The following MYO5B variants were observed in gnomAD, a reference collection of about 807,000 sequenced individuals.
MYO5B encodes the protein unconventional myosin-Vb.
MYO5B carries 143 observed loss-of-function variants against 229.3 expected under a neutral mutation model. The observed-to-expected ratio is 0.62, with a 90% CI of 0.54 to 0.72. The LOEUF (loss-of-function observed/expected upper bound fraction) is 0.72, where lower values mean the gene tolerates loss of function less well. MYO5B is among the 30% of genes least tolerant of loss of function. MYO5B has a pLI of 0.00. For missense variants in MYO5B, 2,321 were observed against 2,331.0 expected, an observed-to-expected ratio of 1.00 and a Z score of 0.09; for synonymous variants, 918 against 885.2, an observed-to-expected ratio of 1.04 and a Z score of -0.66.
intron 1 of MYO5B, among the ~76,000 whole-genome samples, chr18:50,188,723 G>A (rs1163350315): frequency 4.7e-5 from 7 of 147,940 alleles, no homozygotes; most frequent in Admixed American, 1.4e-4. Flanking sequence ...GGAGGCAGAG[G>A]TTGCAGTGAG....
intron 1 of MYO5B, among the ~76,000 whole-genome samples, chr18:50,103,607 G>A (rs1286656084): frequency 6.6e-6 from 1 of 152,128 alleles, no homozygotes; most frequent in African/African-American, 2.4e-5. Context: ...AAATCAGCCA[G>A]ACACGGTGGT....
chr18:49,836,015 A>G (rs533732946), intron 38 of MYO5B, among the ~76,000 whole-genome samples: 31 of 152,346 alleles, frequency 2.0e-4, no homozygotes, highest in African/African-American at 7.5e-4. Flanking sequence ...TGTTTACAGA[A>G]GGAAGCAGTT....
chr18:50,156,882 C>T (rs2032687306), intron 1 of MYO5B, among the ~76,000 whole-genome samples: 1 of 152,188 alleles, frequency 6.6e-6, no homozygotes, highest in South Asian at 2.1e-4. Context: ...CACATGAAAT[C>T]CATTCAACTT....
At chr18:49,904,874 C>T (rs1163983240) in intron 19 of MYO5B, 46 bp from the exon 20 acceptor site, 2 of 1,604,152 alleles carry the variant, frequency 1.2e-6, no homozygotes, top group Non-Finnish European at 8.5e-7. Flanking sequence ...AGAGTATTGA[C>T]CGCCCTGATG....
chr18:50,113,030 A>C (rs2031894568), intron 1 of MYO5B, among the ~76,000 whole-genome samples: 1 of 152,212 alleles, frequency 6.6e-6, no homozygotes, highest in African/African-American at 2.4e-5. Flanking sequence ...ACGCACAATT[A>C]GAACACTTTC....
intron 1 of MYO5B, among the ~76,000 whole-genome samples, chr18:50,115,647 G>C (rs1568112708): frequency 6.6e-6 from 1 of 151,804 alleles, no homozygotes; most frequent in Non-Finnish European, 1.5e-5. Flanking sequence ...CCTTATGGTG[G>C]GAGTCTAATG....
intron 6 of MYO5B, among the ~76,000 whole-genome samples, chr18:49,991,053 A>G (rs1301638033): frequency 6.6e-6 from 1 of 152,138 alleles, no homozygotes; most frequent in Non-Finnish European, 1.5e-5. Flanking sequence ...GTGGGGATTC[A>G]GGAGGCCTGA....
intron 36 of MYO5B, among the ~76,000 whole-genome samples, chr18:49,838,545 G>A (rs532312369): frequency 6.6e-6 from 1 of 152,178 alleles, no homozygotes; most frequent in Non-Finnish European, 1.5e-5. Context: ...TACTTGTGTT[G>A]TAAGAACCTG....
intron 1 of MYO5B, among the ~76,000 whole-genome samples, chr18:50,074,537 A>G (rs1328101056): frequency 6.6e-6 from 1 of 152,136 alleles, no homozygotes; most frequent in Non-Finnish European, 1.5e-5. Context: ...GCACACTGCA[A>G]TTCTAGCTCG....
intron 22 of MYO5B, among the ~76,000 whole-genome samples, chr18:49,893,579 G>T (rs2024740797): frequency 6.6e-6 from 1 of 152,192 alleles, no homozygotes; most frequent in African/African-American, 2.4e-5. Flanking sequence ...CTGGGCAGAG[G>T]GTCCTGTGGG....
At position 50,194,943 on chromosome 18, in the gene MYO5B, AGGCGCCGCGGCCGGCTCGCTCCC is replaced by A. The variant is rs1568141253; in HGVS notation, c.-173_-151del. 1 of 1,121,012 alleles carries A rather than the reference AGGCGCCGCGGCCGGCTCGCTCCC, an allele frequency of 8.9e-7. No individual in the cohort carries two copies. The highest frequency in any genetic ancestry group is 1.6e-5 in the African/African-American group (1 of 61,374). 69.4% of individuals were successfully genotyped at this position (1,121,012 alleles called of 1,614,324 possible). ...CCGACCTGCCCCGCCGGCTTCCCGC[AGGCGCCGCGGCCGGCTCGCTCCC>A]GGCGGCGCGACCTTTACTCCCGCCG... On this transcript the variant is annotated 5_prime_UTR_variant, in exon 1 of 40. Coordinates refer to ENST00000285039, the MANE Select transcript of MYO5B (RefSeq NM_001080467.3).
At chr18:49,853,730 G>T in intron 30 of MYO5B, 83 bp from the exon 31 acceptor site, 2 of 1,295,876 alleles carry the variant, frequency 1.5e-6, no homozygotes, top group East Asian at 2.5e-5. Flanking sequence ...CATAACAGGG[G>T]AGCAGCCAAG....
intron 1 of MYO5B, among the ~76,000 whole-genome samples, chr18:50,125,332 G>C (rs1359142381): frequency 6.9e-6 from 1 of 144,976 alleles, no homozygotes; most frequent in Non-Finnish European, 1.5e-5. Context: ...GAGAACACTT[G>C]GACACAGGGT....
chr18:49,864,439 G>C, intron 27 of MYO5B, 59 bp from the exon 28 acceptor site: 1 of 1,596,348 alleles, frequency 6.3e-7, no homozygotes, highest in Non-Finnish European at 8.5e-7. Flanking sequence ...CTCTCCCTGT[G>C]TGGGCCTCCC....
At chr18:49,899,923 T>A (rs1178909070) in intron 21 of MYO5B, among the ~76,000 whole-genome samples, 1 of 92,354 alleles carries the variant, frequency 1.1e-5, no homozygotes, top group Non-Finnish European at 2.4e-5. Flanking sequence ...AAAAAGCTTT[T>A]TTTATTTTTT....
At chr18:50,174,316 G>A (rs994367847) in intron 1 of MYO5B, among the ~76,000 whole-genome samples, 13 of 152,114 alleles carry the variant, frequency 8.5e-5, no homozygotes, top group African/African-American at 3.1e-4. Flanking sequence ...TACACACAGC[G>A]AGTATCACAG....
intron 18 of MYO5B, among the ~76,000 whole-genome samples, chr18:49,910,971 GC>G (rs1159394811): frequency 3.3e-5 from 5 of 152,122 alleles, no homozygotes; most frequent in Admixed American, 6.5e-5. Context: ...CTCACAAAAG[GC>G]CCCAATAGCT....
At chr18:50,039,695 G>C (rs1568081558) in intron 3 of MYO5B, among the ~76,000 whole-genome samples, 1 of 152,162 alleles carries the variant, frequency 6.6e-6, no homozygotes, top group Admixed American at 6.5e-5. Flanking sequence ...TATGAATTTT[G>C]CTCACTATTT....
At chr18:49,934,494 C>T (rs2025228215) in intron 16 of MYO5B, among the ~76,000 whole-genome samples, 1 of 152,218 alleles carries the variant, frequency 6.6e-6, no homozygotes, top group African/African-American at 2.4e-5. Context: ...ATCTGTCCCA[C>T]AGCAGGGACA....
Sources: gnomAD v4.1 joint callset for allele counts (sites outside exome capture counted in the v4.1 genomes callset) on GRCh38, gnomAD v4.1.1 for gene constraint, MANE v1.5 for transcripts, NCBI Gene and HGNC (gene_info 2026-07-23, HGNC 2026-07-21) for gene names.